The following GFRA1 variants were observed in gnomAD, a reference collection of about 807,000 sequenced individuals.
GFRA1 encodes GDNF family receptor alpha 1, also known as GDNF family receptor alpha-1.
A neutral mutation model predicts 51.6 loss-of-function variants in GFRA1; 16 were observed. The ratio of observed to expected loss-of-function variants is 0.31; its 90% CI spans 0.21 to 0.47. The LOEUF is 0.47. Ranked by LOEUF, GFRA1 falls within the 20% of genes least tolerant of loss-of-function variation. The pLI is 1.00. For synonymous variants in GFRA1, 270 were observed against 241.3 expected, an observed-to-expected ratio of 1.12 and a Z score of -1.10; for missense variants, 530 against 594.3, an observed-to-expected ratio of 0.89 and a Z score of 1.13.
Position 116,271,110 on chromosome 10 carries a change from G to C in GFRA1, c.46C>G (p.Leu16Val), listed in dbSNP as rs1843893795. 1 of 1,605,246 alleles carries C rather than the reference G, an allele frequency of 6.2e-7. No homozygotes were observed. The highest frequency in any genetic ancestry group is 8.5e-7 in the Non-Finnish European group (1 of 1,173,194). ...CCGCCGCTCACTTCGGCCGACAGGA[G>C]CAAGTCTGCGGGGCAGAGGGGAGGG... ...LYFALPLLDL[L>V]LSAEVSGGDR... The change falls in exon 3 of 11, where the codon CTC becomes GTC. Residue 16 changes from leucine to valine, a missense_variant. Physicochemically the swap from Leu to Val is conservative, Grantham distance 32. Coordinates refer to ENST00000355422, the MANE Select transcript of GFRA1 (RefSeq NM_005264.8).
intron 5 of GFRA1, among the ~76,000 whole-genome samples, chr10:116,198,153 CG>C (rs1964040967): frequency 6.6e-6 from 1 of 152,170 alleles, no homozygotes; most frequent in South Asian, 2.1e-4. Context: ...GGCTTCTGAT[CG>C]GAGTCTGCAT....
chr10:116,160,934 C>A (rs534436225), intron 5 of GFRA1, among the ~76,000 whole-genome samples: 3 of 152,342 alleles, frequency 2.0e-5, no homozygotes, highest in African/African-American at 7.2e-5. Context: ...TACTGCTCAA[C>A]TCCTCAAAGG....
intron 3 of GFRA1, among the ~76,000 whole-genome samples, chr10:116,270,356 G>A (rs1197032401): frequency 6.6e-6 from 1 of 152,168 alleles, no homozygotes; most frequent in Non-Finnish European, 1.5e-5. Context: ...AAGATACACT[G>A]GATTCTCCTG....
intron 4 of GFRA1, among the ~76,000 whole-genome samples, chr10:116,227,891 G>A (rs1966412065): frequency 1.3e-5 from 2 of 152,186 alleles, no homozygotes; most frequent in Non-Finnish European, 2.9e-5. Context: ...ATCCAAAGAT[G>A]ATATACCACA....
At chr10:116,201,589 T>C (rs1393229519) in intron 5 of GFRA1, among the ~76,000 whole-genome samples, 1 of 151,934 alleles carries the variant, frequency 6.6e-6, no homozygotes, top group African/African-American at 2.4e-5. Context: ...CCCAAACCAT[T>C]CTTGTAGTAG....
intron 9 of GFRA1, among the ~76,000 whole-genome samples, chr10:116,066,286 T>G (rs1565549235): frequency 6.6e-6 from 1 of 152,150 alleles, no homozygotes; most frequent in Non-Finnish European, 1.5e-5. Flanking sequence ...AGTCACTGTT[T>G]AGGATCACAT....
intron 5 of GFRA1, among the ~76,000 whole-genome samples, chr10:116,153,626 T>C (rs139043263): frequency 2.6e-4 from 39 of 152,328 alleles, no homozygotes; most frequent in African/African-American, 9.4e-4. Flanking sequence ...ATAAACAATA[T>C]AGCTTCTAAG....
chr10:116,073,717 T>G (rs1955501909), intron 9 of GFRA1, among the ~76,000 whole-genome samples: 1 of 152,158 alleles, frequency 6.6e-6, no homozygotes, highest in Admixed American at 6.5e-5. Flanking sequence ...GAGAAGTGCA[T>G]GAAGCCTATC....
At chr10:116,190,932 C>G (rs950314106) in intron 5 of GFRA1, among the ~76,000 whole-genome samples, 4 of 152,114 alleles carry the variant, frequency 2.6e-5, no homozygotes, top group African/African-American at 9.7e-5. Context: ...TACAGCTGAA[C>G]AAGAACAGGT....
intron 4 of GFRA1, among the ~76,000 whole-genome samples, chr10:116,230,400 A>C (rs1966602858): frequency 6.6e-6 from 1 of 152,222 alleles, no homozygotes; most frequent in Non-Finnish European, 1.5e-5. Flanking sequence ...ATTCCAAATT[A>C]GTCTCTCTCA....
At position 116,129,676 on chromosome 10, in the gene GFRA1, T is replaced by C. The variant is rs529421342; in HGVS notation, c.434-4119A>G. Among the ~76,000 whole-genome samples the C allele has an allele frequency of 5.9e-5, 9 of 152,228 alleles. No homozygotes were observed. The East Asian group carries it at 1.7e-3, about 29-fold the overall frequency. The stretch of plus-strand genomic sequence containing the variant: ...ATCTCTAAAGAATCTACAAAACAAC[T>C]ACTAGAAATAATAAGTGAGTTTAGC... On this transcript the variant is annotated intron_variant, in intron 5 of 10. Transcript: ENST00000355422.
Position 116,117,081 on chromosome 10 carries a change from A to G in GFRA1, c.770+8140T>C, listed in dbSNP as rs557895603. Reference sequence around the variant, plus strand: ...AGTTAGGAAGACTGAGCTGATTCCTACGTCCTCTGTGTGGAAGCAGGGTGA... The same window carrying G: ...AGTTAGGAAGACTGAGCTGATTCCTGCGTCCTCTGTGTGGAAGCAGGGTGA... On this transcript the variant is annotated intron_variant, in intron 6 of 10. Transcript: ENST00000355422. Among the ~76,000 whole-genome samples, 14 of 152,288 alleles carry G rather than the reference A, an allele frequency of 9.2e-5. No individual in the cohort carries two copies. The East Asian group carries it at 2.5e-3, about 27-fold the overall frequency.
chr10:116,236,102 C>A (rs1966869033), intron 4 of GFRA1, among the ~76,000 whole-genome samples: 1 of 152,132 alleles, frequency 6.6e-6, no homozygotes, highest in African/African-American at 2.4e-5. Context: ...TCTGTTCTGA[C>A]TAAAATTCAC....
chr10:116,123,166 C>T (rs1354392293), intron 6 of GFRA1, among the ~76,000 whole-genome samples: 1 of 152,226 alleles, frequency 6.6e-6, no homozygotes, highest in East Asian at 1.9e-4. Context: ...TGATTGGCTT[C>T]CCCAGGTTCC....
intron 4 of GFRA1, among the ~76,000 whole-genome samples, chr10:116,237,573 GCAAAA>G (rs373051343): frequency 1.7e-3 from 128 of 74,820 alleles, no homozygotes; most frequent in African/African-American, 4.8e-3. Context: ...TAAACTAAAG[GCAAAA>G]AAAAAAAAAA....
chr10:116,257,869 C>T (rs1301169328), intron 4 of GFRA1, among the ~76,000 whole-genome samples: 4 of 152,222 alleles, frequency 2.6e-5, no homozygotes, highest in African/African-American at 9.6e-5. Context: ...TCTCACACCA[C>T]TCCTCATACC....
chr10:116,228,725 G>GT (rs1023844951), intron 4 of GFRA1, among the ~76,000 whole-genome samples: 2 of 152,062 alleles, frequency 1.3e-5, no homozygotes, highest in African/African-American at 2.4e-5. Context: ...GCTCACGCCT[G>GT]TAATCCTAGC....
At chr10:116,183,886 A>G (rs1962463901) in intron 5 of GFRA1, among the ~76,000 whole-genome samples, 1 of 152,192 alleles carries the variant, frequency 6.6e-6, no homozygotes, top group African/African-American at 2.4e-5. Flanking sequence ...CAGTCTCACT[A>G]TCAGGACCTG....
chr10:116,180,350 T>C (rs1462580683), intron 5 of GFRA1, among the ~76,000 whole-genome samples: 3 of 152,286 alleles, frequency 2.0e-5, no homozygotes, highest in Admixed American at 2.0e-4. Context: ...CTCACAAATA[T>C]AAAATTTTCT....
Sources: gnomAD v4.1 joint callset for allele counts (sites outside exome capture counted in the v4.1 genomes callset) on GRCh38, gnomAD v4.1.1 for gene constraint, MANE v1.5 for transcripts, NCBI Gene and HGNC (gene_info 2026-07-23, HGNC 2026-07-21) for gene names.